ABHD3: variants seen among roughly 807,000 people sequenced by gnomAD.
The protein encoded by ABHD3 is abhydrolase domain containing 3, phospholipase, also known as phospholipase ABHD3.
Under a neutral mutation model 48.8 loss-of-function variants are expected in ABHD3, and 46 were observed. The observed-to-expected ratio is 0.94, with a 90% CI of 0.74 to 1.20. The LOEUF is 1.20. Among genes scored for constraint, ABHD3 ranks in the 50% most tolerant of loss-of-function variants. The pLI is 0.00. For synonymous variants in ABHD3, 192 were observed against 183.7 expected (o/e 1.04, Z -0.36); for missense variants, 490 against 497.8 (o/e 0.98, Z 0.15).
Position 21,704,609 on chromosome 18 carries a change from C to G in ABHD3, c.57G>C (p.Leu19=), listed in dbSNP as rs769846612. 3.2e-6 allele frequency: 5 copies of G among 1,554,916 alleles called. No homozygotes were observed. The South Asian group carries it at 5.9e-5, about 18-fold the overall frequency. The change falls in exon 1 of 9, where the codon CTG becomes CTC. Residue 19 remains leucine, a synonymous_variant. Transcript: ENST00000289119. The part of the protein sequence containing the change: ...RMLSRELSLY[L]EHQVRVGFFG... ...AGAACCCCACCCGGACTTGGTGTTC[C>G]AGGTAGAGGGAGAGCTCCCGGGACA...
chr18:21,665,854 C>T (rs2039612739), intron 4 of ABHD3, among the ~76,000 whole-genome samples: 1 of 151,530 alleles, frequency 6.6e-6, no homozygotes, highest in Admixed American at 6.6e-5. Flanking sequence ...TAGTGTACCC[C>T]AAATCCCCAA....
rs1214183982 is a variant in ABHD3, at chr18:21,657,168, T to A, written c.843-16A>T. 1 of 1,590,038 alleles carries A rather than the reference T, an allele frequency of 6.3e-7. No individual in the cohort carries two copies. Among genetic ancestry groups the A allele is most frequent in the East Asian group, 2.2e-5 (1 of 44,666 alleles). ...ATGTCGGTGCCTGGAACAAAAGAAT[T>A]TCGGAAGTAAAAATCAAGATCATTC... On this transcript the variant is annotated splice_polypyrimidine_tract_variant and intron_variant, in intron 6 of 8. Transcript: ENST00000289119.
At chr18:21,661,968 G>T (rs1438065714) in intron 5 of ABHD3, 1 of 150,636 alleles carries the variant, frequency 6.6e-6, no homozygotes, top group African/African-American at 2.5e-5. Context: ...CACCGCGCCT[G>T]GCCTTTTTTT....
chr18:21,686,386 T>C (rs1447625087), intron 3 of ABHD3, among the ~76,000 whole-genome samples: 3 of 152,152 alleles, frequency 2.0e-5, no homozygotes, highest in Non-Finnish European at 4.4e-5. Context: ...GTACAAACAT[T>C]AAATAAGGAT....
At chr18:21,664,005 A>T in intron 5 of ABHD3, 113 bp downstream of exon 5, 1 of 1,440,752 alleles carries the variant, frequency 6.9e-7, no homozygotes, top group Non-Finnish European at 9.1e-7. Flanking sequence ...TGATAAACAT[A>T]ATCAGACATT....
intron 4 of ABHD3, among the ~76,000 whole-genome samples, chr18:21,670,510 C>G (rs1454954883): frequency 6.6e-6 from 1 of 152,200 alleles, no homozygotes; most frequent in Non-Finnish European, 1.5e-5. Flanking sequence ...CTGAATTAAG[C>G]CTCTGCCAAG....
At chr18:21,681,102 T>C (rs2146314666) in intron 4 of ABHD3, among the ~76,000 whole-genome samples, 1 of 152,162 alleles carries the variant, frequency 6.6e-6, no homozygotes, top group East Asian at 1.9e-4. Flanking sequence ...CAGCTACTCC[T>C]GAGCTTCAAC....
At chr18:21,669,442 T>C (rs1466674152) in intron 4 of ABHD3, among the ~76,000 whole-genome samples, 1 of 152,106 alleles carries the variant, frequency 6.6e-6, no homozygotes, top group Non-Finnish European at 1.5e-5. Flanking sequence ...AAAAGTTTTG[T>C]CTTAGGCTTG....
chr18:21,672,183 T>A (rs1467994902), intron 4 of ABHD3, among the ~76,000 whole-genome samples: 1 of 152,122 alleles, frequency 6.6e-6, no homozygotes, highest in East Asian at 1.9e-4. Flanking sequence ...GAATTTAAAA[T>A]TCTTTTCATT....
At position 21,651,780 on chromosome 18, in the gene ABHD3, A is replaced by C. The variant is rs759870209; in HGVS notation, c.1058-17T>G. The C allele has an allele frequency of 6.6e-7, 1 of 1,506,746 alleles. No individual in the cohort carries two copies. The allele number at this position is 1,506,746 out of a possible 1,614,324, so 93.3% of individuals were successfully genotyped here. A position where few individuals can be genotyped will look rare whatever the true frequency, so the allele number is the denominator to read the frequency against. ...TTGGAATAGCTTCAGACCAAAAAAA[A>C]CATGGCAATAAGAGAGAAGAAGGAG... On this transcript the variant is annotated splice_polypyrimidine_tract_variant and intron_variant, in intron 8 of 8. Coordinates refer to ENST00000289119, the MANE Select transcript of ABHD3 (RefSeq NM_138340.5).
chr18:21,703,714 T>G lies in ABHD3; in HGVS notation c.196A>C (p.Ser66Arg). 1 of 1,613,994 alleles carries G rather than the reference T, an allele frequency of 6.2e-7. No individual in the cohort carries two copies. Among genetic ancestry groups the G allele is most frequent in the Non-Finnish European group, 8.5e-7 (1 of 1,179,960 alleles). The change falls in exon 2 of 9, where the codon AGC becomes CGC. Residue 66 changes from serine to arginine, a missense_variant. Ser to Arg is a moderately radical substitution (Grantham distance 110). Transcript: ENST00000289119. ...GGACAGTGGTCTTGAAGGAAGCGGC[T>G]GAAACTCTCACCCCCGGTCACTAAC... ...PQLVTGGESF[S>R]RFLQDHCPVV...
In ABHD3 at chr18:21,656,540, T is replaced by C. The variant is rs558248597; in HGVS notation, c.1057+321A>G. Among the ~76,000 whole-genome samples the C allele has an allele frequency of 2.6e-4, 40 of 152,306 alleles. 1 individual carries two copies. The South Asian group carries it at 7.9e-3, about 30-fold the overall frequency. ...AGGAATCTCAGGAAGAAGAGGCAAG[T>C]GATAACAATATTCTCCTGAGGCAAA... On this transcript the variant is annotated intron_variant, in intron 8 of 8. Transcript: ENST00000289119.
intron 3 of ABHD3, among the ~76,000 whole-genome samples, chr18:21,685,860 G>C (rs969084891): frequency 6.6e-6 from 1 of 152,198 alleles, no homozygotes; most frequent in Non-Finnish European, 1.5e-5. Context: ...ACCACGCCCG[G>C]CTAATTTTTG....
At chr18:21,684,081 T>C in intron 3 of ABHD3, 116 bp from the exon 4 acceptor site, 1 of 910,048 alleles carries the variant, frequency 1.1e-6, no homozygotes, top group Non-Finnish European at 1.6e-6. Flanking sequence ...TAAAAATCTG[T>C]CTTGTAGTTG....
intron 4 of ABHD3, among the ~76,000 whole-genome samples, chr18:21,669,950 T>G: frequency 6.7e-6 from 1 of 150,022 alleles, no homozygotes; most frequent in African/African-American, 2.5e-5. Context: ...CGCGGGAGAG[T>G]GGCAGAGTGA....
At chr18:21,703,222 C>G (rs1477557759) in intron 2 of ABHD3, among the ~76,000 whole-genome samples, 1 of 124,922 alleles carries the variant, frequency 8.0e-6, no homozygotes, top group East Asian at 2.8e-4. Flanking sequence ...CACCCCACCC[C>G]CCCCCCCAGT....
chr18:21,690,428 C>G (rs1312113190), intron 3 of ABHD3, among the ~76,000 whole-genome samples: 1 of 151,488 alleles, frequency 6.6e-6, no homozygotes, highest in Non-Finnish European at 1.5e-5. Context: ...ATGGTGAAAC[C>G]CCATCTCTAC....
intron 1 of ABHD3, 99 bp downstream of exon 1, chr18:21,704,405 C>G: frequency 8.4e-7 from 1 of 1,185,808 alleles, no homozygotes. Context: ...CGCCTATCCC[C>G]GGGGCTGCCG....
chr18:21,669,049 CCT>C (rs1054106130), intron 4 of ABHD3, among the ~76,000 whole-genome samples: 6 of 152,130 alleles, frequency 3.9e-5, no homozygotes, highest in Admixed American at 1.3e-4. Flanking sequence ...CAGCAAGACC[CCT>C]GTCTCTAAAT....
Sources: allele counts gnomAD v4.1 joint callset (sites outside exome capture counted in the v4.1 genomes callset), GRCh38; gene constraint gnomAD v4.1.1; transcripts MANE v1.5; gene names NCBI Gene and HGNC (gene_info 2026-07-23, HGNC 2026-07-21).